Variants in E2F5 observed in about 807,000 individuals in gnomAD.
E2F5 encodes E2F transcription factor 5.
E2F5 carries 23 observed loss-of-function variants against 39.1 expected under a neutral mutation model. That is an observed-to-expected ratio of 0.59 (90% CI 0.42 to 0.83). E2F5 has a LOEUF of 0.83. Among genes scored for constraint, E2F5 ranks in the 40% least tolerant of loss-of-function variants. E2F5 has a pLI of 0.00. For missense variants in E2F5, 365 were observed against 406.7 expected (o/e 0.90, Z 0.88); for synonymous variants, 145 against 157.8 (o/e 0.92, Z 0.61).
intron 6 of E2F5, 47 bp downstream of exon 6, chr8:85,209,456 A>T (rs1563983682): frequency 1.2e-5 from 18 of 1,530,510 alleles, no homozygotes; most frequent in Non-Finnish European, 1.6e-5. Context: ...GAGAAATATA[A>T]AAACAGGTTG....
rs568627122 is a variant in E2F5, at chr8:85,192,806, C to A, written c.235-9341C>A. 6.1e-4 allele frequency among the ~76,000 whole-genome samples: 93 copies of A among 152,340 alleles called. 2 individuals are homozygous for A. In the South Asian group the frequency reaches 0.018, roughly 29 times the overall value. ...CATATGATTGTGACCAACCATCTCACAGCATCAGAAGTAGCATGGTATCTC... is the reference window on the plus strand; with the variant it reads ...CATATGATTGTGACCAACCATCTCAAAGCATCAGAAGTAGCATGGTATCTC... On this transcript the variant is annotated intron_variant, in intron 1 of 7. Transcript: ENST00000416274.
intron 1 of E2F5, among the ~76,000 whole-genome samples, chr8:85,180,426 CT>C (rs1237402644): frequency 2.7e-5 from 4 of 149,216 alleles, no homozygotes; most frequent in African/African-American, 4.9e-5. Flanking sequence ...TGTATTCTTA[CT>C]TTGGTGGGGG....
intron 1 of E2F5, among the ~76,000 whole-genome samples, chr8:85,193,808 G>A (rs141849191): frequency 8.5e-5 from 13 of 152,248 alleles, no homozygotes; most frequent in Non-Finnish European, 1.6e-4. Context: ...TGTACCAATG[G>A]TTCATTCCTT....
chr8:85,195,966 A>G (rs1278981200), intron 1 of E2F5, among the ~76,000 whole-genome samples: 1 of 152,146 alleles, frequency 6.6e-6, no homozygotes, highest in Non-Finnish European at 1.5e-5. Context: ...GACAATAGAA[A>G]TGAATTTCCT....
intron 7 of E2F5, 74 bp from the exon 8 acceptor site, chr8:85,213,679 G>C (rs1212757388): frequency 1.3e-6 from 1 of 744,562 alleles, no homozygotes; most frequent in Non-Finnish European, 2.4e-6. Flanking sequence ...TGATGTATTT[G>C]AGAGTATTTT....
chr8:85,208,243 G>A (rs1812838401), intron 5 of E2F5, among the ~76,000 whole-genome samples: 1 of 152,174 alleles, frequency 6.6e-6, no homozygotes, highest in Admixed American at 6.5e-5. Context: ...CAGCAGAATT[G>A]CTTCAACCTA....
chr8:85,192,625 G>C (rs1331170141), intron 1 of E2F5, among the ~76,000 whole-genome samples: 1 of 152,218 alleles, frequency 6.6e-6, no homozygotes, highest in East Asian at 1.9e-4. Flanking sequence ...ACTGGTTTTA[G>C]TAACAGAGGT....
intron 1 of E2F5, among the ~76,000 whole-genome samples, chr8:85,189,423 G>A (rs552492427): frequency 1.3e-5 from 2 of 152,222 alleles, no homozygotes; most frequent in Admixed American, 6.5e-5. Context: ...AGGCTGGAAT[G>A]CAGTGGTGAG....
intron 1 of E2F5, among the ~76,000 whole-genome samples, chr8:85,193,066 T>C (rs1434946499): frequency 6.6e-6 from 1 of 152,264 alleles, no homozygotes; most frequent in South Asian, 2.1e-4. Flanking sequence ...GATGGATACA[T>C]ACATGTATAC....
intron 1 of E2F5, chr8:85,177,873 A>G (rs573565807): frequency 1.3e-5 from 10 of 758,320 alleles, no homozygotes; most frequent in African/African-American, 9.3e-5. Context: ...CGCGTAACCA[A>G]TGGGGCCCGG....
intron 2 of E2F5, among the ~76,000 whole-genome samples, 197 bp downstream of exon 2, chr8:85,202,453 C>T (rs867363054): frequency 2.0e-5 from 3 of 152,110 alleles, no homozygotes; most frequent in African/African-American, 4.8e-5. Flanking sequence ...ATTGGGTTTT[C>T]GCTCTTAAAA....
chr8:85,202,090 G>T, intron 1 of E2F5, 57 bp from the exon 2 acceptor site: 1 of 1,394,634 alleles, frequency 7.2e-7, no homozygotes, highest in African/African-American at 1.4e-5. Flanking sequence ...AACCCTTTTT[G>T]GCTTTAAAAT....
intron 1 of E2F5, among the ~76,000 whole-genome samples, chr8:85,194,092 A>G (rs1035046404): frequency 6.6e-6 from 1 of 151,548 alleles, no homozygotes; most frequent in Non-Finnish European, 1.5e-5. Flanking sequence ...TTGTGGTTTT[A>G]TGTTTTCTAT....
chr8:85,178,766 T>G (rs1223195382), intron 1 of E2F5, among the ~76,000 whole-genome samples: 1 of 152,158 alleles, frequency 6.6e-6, no homozygotes, highest in Non-Finnish European at 1.5e-5. Context: ...GACCAAGACT[T>G]GCAGGGGCCA....
At chr8:85,179,059 C>T (rs977453146) in intron 1 of E2F5, among the ~76,000 whole-genome samples, 1 of 152,178 alleles carries the variant, frequency 6.6e-6, no homozygotes, top group African/African-American at 2.4e-5. Flanking sequence ...TCCTTTCTCT[C>T]CCTGAAAGTG....
rs186950321 is a variant in E2F5, at chr8:85,193,797, A to G, written c.235-8350A>G. ...TTTTGAGATGCATTCATATTATTGC[A>G]TGTACCAATGGTTCATTCCTTCCAC... On this transcript the variant is annotated intron_variant, in intron 1 of 7. Transcript: ENST00000416274. Among the ~76,000 whole-genome samples, 572 of 152,306 alleles carry G rather than the reference A, an allele frequency of 3.8e-3. 6 individuals carry two copies. The highest frequency in any genetic ancestry group is 0.013 in the African/African-American group (551 of 41,568).
chr8:85,198,716 T>C (rs1398429233), intron 1 of E2F5, among the ~76,000 whole-genome samples: 2 of 152,212 alleles, frequency 1.3e-5, no homozygotes, highest in Non-Finnish European at 1.5e-5. Flanking sequence ...TTCCCCAGAG[T>C]TGGTTCTTAA....
At chr8:85,196,373 T>C (rs1812580417) in intron 1 of E2F5, among the ~76,000 whole-genome samples, 1 of 152,178 alleles carries the variant, frequency 6.6e-6, no homozygotes, top group Non-Finnish European at 1.5e-5. Flanking sequence ...TAAACCTCAT[T>C]CTATAAAGTG....
At chr8:85,196,458 A>G (rs1389099984) in intron 1 of E2F5, among the ~76,000 whole-genome samples, 1 of 152,154 alleles carries the variant, frequency 6.6e-6, no homozygotes, top group Non-Finnish European at 1.5e-5. Flanking sequence ...TAATAAGTGG[A>G]AATTAAGATC....
Sources: allele counts gnomAD v4.1 joint callset (sites outside exome capture counted in the v4.1 genomes callset), GRCh38; gene constraint gnomAD v4.1.1; transcripts MANE v1.5; gene names NCBI Gene and HGNC (gene_info 2026-07-23, HGNC 2026-07-21).